Variants in NUP54 observed in about 807,000 individuals in gnomAD.
NUP54 encodes the protein nucleoporin p54.
NUP54 carries 27 observed loss-of-function variants against 66.4 expected under a neutral mutation model. That is an observed-to-expected ratio of 0.41 (90% CI 0.30 to 0.56). The LOEUF (loss-of-function observed/expected upper bound fraction) is 0.56. NUP54 is among the 20% of genes least tolerant of loss of function. The pLI is 0.34. For synonymous variants in NUP54, 206 were observed against 210.7 expected, an observed-to-expected ratio of 0.98 and a Z score of 0.19; for missense variants, 486 against 596.3, an observed-to-expected ratio of 0.82 and a Z score of 1.93.
In NUP54 at chr4:76,127,573, T is replaced by C. The variant is rs1051250913; in HGVS notation, c.1057-2817A>G. On this transcript the variant is annotated intron_variant, in intron 8 of 11. Transcript: ENST00000264883. ...GAAAGGTTAAACTCTAAATTTTTTT[T>C]AATGTAGGATACTCTCAGACTTTGG... Among the ~76,000 whole-genome samples the C allele has an allele frequency of 3.3e-5, 5 of 152,122 alleles. No individual in the cohort carries two copies. In the South Asian group the frequency reaches 1.0e-3, roughly 31 times the overall value.
At chr4:76,142,394 G>A (rs1731300990) in intron 3 of NUP54, among the ~76,000 whole-genome samples, 1 of 152,154 alleles carries the variant, frequency 6.6e-6, no homozygotes, top group African/African-American at 2.4e-5. Flanking sequence ...TTCAGTGACT[G>A]AGTAGGATGA....
rs1731408060 is a variant in NUP54 at position 76,144,598 on chromosome 4, C to T, written c.68-125G>A. 5.7e-6 allele frequency: 4 copies of T among 707,808 alleles called. No homozygotes were observed. In the South Asian group the frequency reaches 1.2e-4, roughly 20 times the overall value. 43.8% of individuals were successfully genotyped at this position (707,808 alleles called of 1,614,324 possible). A position where few individuals can be genotyped will look rare whatever the true frequency, so the allele number is the denominator to read the frequency against. ...AATATATTGATCTAATTTTTCCTTT[C>T]CCTACTTTCAAGATCAATTTTTTAA... On this transcript the variant is annotated intron_variant, in intron 1 of 11. Transcript: ENST00000264883.
chr4:76,146,182 G>T, intron 1 of NUP54: 1 of 422,390 alleles, frequency 2.4e-6, no homozygotes, highest in Non-Finnish European at 4.7e-6. Context: ...GCCCTTTGCT[G>T]AAGGTTAACA....
chr4:76,128,540 A>T (rs968483907), intron 8 of NUP54, among the ~76,000 whole-genome samples: 1 of 152,248 alleles, frequency 6.6e-6, no homozygotes, highest in Non-Finnish European at 1.5e-5. Flanking sequence ...CGCTTCAAAT[A>T]TAACAATATA....
At position 76,117,655 on chromosome 4, in the gene NUP54, A is replaced by G; in HGVS notation, c.1395+9T>C. 4 of 1,564,142 alleles carry G rather than the reference A, an allele frequency of 2.6e-6. No homozygotes were observed. The highest frequency in any genetic ancestry group is 3.5e-6 in the Non-Finnish European group (4 of 1,135,260). On this transcript the variant is annotated intron_variant, in intron 11 of 11. Coordinates refer to ENST00000264883, the MANE Select transcript of NUP54 (RefSeq NM_017426.4). Reference sequence around the variant, plus strand: ...CACTTTAAATAATGCAGCCTCATGCAACACTTACCTGCTTGATTTCTCGTA... The same window carrying G: ...CACTTTAAATAATGCAGCCTCATGCGACACTTACCTGCTTGATTTCTCGTA...
chr4:76,118,447 G>GACCACCGAGATC, intron 9 of NUP54: 2 of 385,448 alleles, frequency 5.2e-6, no homozygotes, highest in South Asian at 2.4e-5. Flanking sequence ...GTGCAGTGGC[G>GACCACCGAGATC]TAAACACAGC....
chr4:76,115,185 A>C lies in NUP54; in HGVS notation c.*181T>G. On this transcript the variant is annotated 3_prime_UTR_variant, in exon 12 of 12. Transcript: ENST00000264883. ...TAAATCTTTCAAAGGTTTTCTTTGA[A>C]GAGCTGTGAGGTGACTATTTCAGAT... The C allele has an allele frequency of 6.7e-6, 3 of 445,864 alleles. No homozygotes were observed. The highest frequency in any genetic ancestry group is 3.7e-5 in the East Asian group (1 of 27,178). 27.6% of individuals were successfully genotyped at this position (445,864 alleles called of 1,614,324 possible).
At chr4:76,145,073 C>T (rs1301357382) in intron 1 of NUP54, among the ~76,000 whole-genome samples, 6 of 152,040 alleles carry the variant, frequency 3.9e-5, no homozygotes, top group Non-Finnish European at 8.8e-5. Context: ...AATCCCAGCA[C>T]TTTGGGAGGC....
chr4:76,115,360 G>T lies in NUP54; in HGVS notation c.*6C>A. 6.3e-7 allele frequency: 1 copy of T among 1,581,118 alleles called. No homozygotes were observed. ...TTCACAAACCTTTACACAAGTTTGT[G>T]AACTGTCAACTAAAGACACCACCTC... On this transcript the variant is annotated 3_prime_UTR_variant, in exon 12 of 12. Transcript: ENST00000264883.
At chr4:76,145,705 T>C in intron 1 of NUP54, 1 of 407,094 alleles carries the variant, frequency 2.5e-6, no homozygotes, top group Non-Finnish European at 3.9e-6. Flanking sequence ...TCAAGACAAA[T>C]GTTTGAACCA....
chr4:76,131,534 A>C (rs936584015), intron 6 of NUP54, among the ~76,000 whole-genome samples: 2 of 152,092 alleles, frequency 1.3e-5, no homozygotes, highest in South Asian at 4.1e-4. Context: ...GAGTTCCTAT[A>C]CATCAAAAAG....
chr4:76,143,632 G>C, intron 3 of NUP54, among the ~76,000 whole-genome samples: 1 of 152,054 alleles, frequency 6.6e-6, no homozygotes, highest in Non-Finnish European at 1.5e-5. Flanking sequence ...AAAAAAGAGA[G>C]ATAAAAGAGG....
chr4:76,117,677 C>T lies in NUP54; in HGVS notation c.1382G>A (p.Arg461Gln), dbSNP rs749029158. ...ERYYIDADLL[R>Q]EIKQHLKQQQ... is the part of the protein sequence containing the mutation. ...TGCAACACTTACCTGCTTGATTTCT[C>T]GTAACAGATCTGCATCTATGTAATA... Residue 461 changes from arginine (R) to glutamine (Q), a missense_variant, in exon 11 of 12, where the codon CGA (arginine) becomes CAA (glutamine). Arg to Gln is a conservative substitution (Grantham distance 43). This residue lies in a region of NUP54 where 83 missense variants were observed against 128.6 expected (regional missense o/e 0.65). Coordinates refer to ENST00000264883, the MANE Select transcript of NUP54 (RefSeq NM_017426.4). 32 of 1,609,106 alleles carry T rather than the reference C, an allele frequency of 2.0e-5. No individual in the cohort carries two copies. In the South Asian group the frequency reaches 2.9e-4, roughly 14 times the overall value.
At chr4:76,130,534 CAGTGTAT>C (rs1730756943) in intron 8 of NUP54, 115 bp downstream of exon 8, 2 of 613,434 alleles carry the variant, frequency 3.3e-6, no homozygotes, top group Non-Finnish European at 5.8e-6. Flanking sequence ...TATTAAATTG[CAGTGTAT>C]GCTACATTGT....
At position 76,130,654 on chromosome 4, in the gene NUP54, A is replaced by AC; in HGVS notation, c.1056+1dup. The AC allele has an allele frequency of 6.2e-7, 1 of 1,605,606 alleles. No homozygotes were observed. ...CCAGGGAATAAAAAGCTAAATGCTT[A>AC]CATCTAATCTGGTTTGATGCTGCTT... is the stretch of plus-strand genomic sequence containing the variant. On this transcript the variant is annotated splice_donor_variant, in intron 8 of 11. Transcript: ENST00000264883. LOFTEE classifies it high-confidence loss of function.
At position 76,117,757 on chromosome 4, in the gene NUP54, C is replaced by T; in HGVS notation, c.1302G>A (p.Leu434=). The change falls in exon 11 of 12, where the codon TTG becomes TTA. Residue 434 remains leucine, a synonymous_variant. Coordinates refer to ENST00000264883, the MANE Select transcript of NUP54 (RefSeq NM_017426.4). ...GATTCTGCATCCTGATTTGAGACAT[C>T]AATTCATTTAGTCGGCCCTAAAAGT... ...PTQFKGRLNE[L]MSQIRMQNHF... The T allele has an allele frequency of 4.3e-6, 7 of 1,613,800 alleles. No homozygotes were observed. Among genetic ancestry groups the T allele is most frequent in the Non-Finnish European group, 5.9e-6 (7 of 1,179,738 alleles).
chr4:76,118,343 C>A (rs1045136237), intron 9 of NUP54, 149 bp from the exon 10 acceptor site: 4 of 686,260 alleles, frequency 5.8e-6, no homozygotes, highest in Admixed American at 2.7e-5. Context: ...TGTTTCTGTC[C>A]ATTTTAACTA....
Position 76,132,716 on chromosome 4 carries a change from T to G in NUP54, c.714A>C (p.Thr238=). Residue 238 remains threonine, a synonymous_variant, in exon 6 of 12, where the codon ACA becomes ACC. Coordinates refer to ENST00000264883, the MANE Select transcript of NUP54 (RefSeq NM_017426.4). ...GCTCAACAACATAAATAACAACTTCTGTCCTGAAGGAAGAATAACCAATTT... is the reference window on the plus strand; with the variant it reads ...GCTCAACAACATAAATAACAACTTCGGTCCTGAAGGAAGAATAACCAATTT... ...EGTKTLPDDQ[T]EVVIYVVERS... The G allele has an allele frequency of 6.2e-7, 1 of 1,607,122 alleles. No homozygotes were observed. The highest frequency in any genetic ancestry group is 8.5e-7 in the Non-Finnish European group (1 of 1,176,834).
intron 8 of NUP54, among the ~76,000 whole-genome samples, chr4:76,128,358 G>C (rs1279258436): frequency 1.4e-5 from 2 of 147,300 alleles, no homozygotes; most frequent in Middle Eastern, 7.1e-3. Context: ...AAGAAGTACT[G>C]CTCTAAGACT....
Sources: gnomAD v4.1 joint callset for allele counts (sites outside exome capture counted in the v4.1 genomes callset) on GRCh38, gnomAD v4.1.1 for gene constraint, gnomAD v4.1.1 regional missense constraint, MANE v1.5 for transcripts, NCBI Gene and HGNC (gene_info 2026-07-23, HGNC 2026-07-21) for gene names.